Variants in CYP2F1 observed in about 807,000 individuals in gnomAD.
CYP2F1 encodes cytochrome P450 2F1.
CYP2F1 carries 33 observed loss-of-function variants against 40.4 expected under a neutral mutation model. The ratio of observed to expected loss-of-function variants is 0.82; its 90% CI spans 0.62 to 1.09. CYP2F1 has a LOEUF of 1.09. CYP2F1 is among the 50% of genes least tolerant of loss of function. The pLI, the probability that CYP2F1 is intolerant of heterozygous loss-of-function variation, is 0.00. For missense variants in CYP2F1, 566 were observed against 655.7 expected, an observed-to-expected ratio of 0.86 and a Z score of 1.49; for synonymous variants, 235 against 277.2, an observed-to-expected ratio of 0.85 and a Z score of 1.51.
chr19:41,128,249 C>G lies in CYP2F1; in HGVS notation c.*167C>G. 6.4e-6 allele frequency: 4 copies of G among 620,746 alleles called. No individual in the cohort carries two copies. Among genetic ancestry groups the G allele is most frequent in the Non-Finnish European group, 1.1e-5 (4 of 371,706 alleles). The allele number at this position is 620,746 out of a possible 1,614,324, so 38.5% of individuals were successfully genotyped here. On this transcript the variant is annotated 3_prime_UTR_variant, in exon 10 of 10. Coordinates refer to ENST00000331105, the MANE Select transcript of CYP2F1 (RefSeq NM_000774.5). ...TTCCCCCATCCCTCCAATCTGTGCC[C>G]CGTCTGCAGGGCAGAGGCAGATGTG...
At position 41,119,748 on chromosome 19, in the gene CYP2F1, T is replaced by TAC. The variant is rs147688839; in HGVS notation, c.335-563_335-562dup. Among the ~76,000 whole-genome samples, 344 of 36,028 alleles carry TAC rather than the reference T, an allele frequency of 9.5e-3. 9 individuals are homozygous for TAC. Among genetic ancestry groups the TAC allele is most frequent in the African/African-American group, 0.016 (149 of 9,134 alleles). 23.6% of individuals were successfully genotyped at this position (36,028 alleles called of 152,430 possible). On this transcript the variant is annotated intron_variant, in intron 3 of 9. Coordinates refer to ENST00000331105, the MANE Select transcript of CYP2F1 (RefSeq NM_000774.5). ...CTATATATATATATATATATATATA[T>TAC]ACACACACACACACACACACACACA...
At chr19:41,116,110 G>C (rs772249529) in intron 1 of CYP2F1, 68 bp from the exon 2 acceptor site, 13 of 1,443,116 alleles carry the variant, frequency 9.0e-6, no homozygotes, top group Non-Finnish European at 1.1e-5. Context: ...GGGAAGGTAA[G>C]TCCCAGGGGA....
chr19:41,119,899 T>C (rs1212038482), intron 3 of CYP2F1, among the ~76,000 whole-genome samples: 2 of 145,688 alleles, frequency 1.4e-5, no homozygotes, highest in African/African-American at 5.1e-5. Flanking sequence ...TGAGATGGTG[T>C]CACTGCACTC....
At chr19:41,125,390 C>T in intron 8 of CYP2F1, 103 bp from the exon 9 acceptor site, 1 of 638,756 alleles carries the variant, frequency 1.6e-6, no homozygotes. Flanking sequence ...CCTATACCCA[C>T]CCCTTATCAA....
In CYP2F1 at chr19:41,128,196, C is replaced by T. The variant is rs375787926; in HGVS notation, c.*114C>T. The T allele has an allele frequency of 2.8e-6, 3 of 1,066,112 alleles. No individual in the cohort carries two copies. The highest frequency in any genetic ancestry group is 3.9e-6 in the Non-Finnish European group (3 of 764,062). The allele number at this position is 1,066,112 out of a possible 1,614,324, so 66.0% of individuals were successfully genotyped here. ...ATCCCTCTGGCAGTCACGCTGTCTTCCCTGCATGCTGTGCCTGCCGCGTGC... is the reference window on the plus strand; with the variant it reads ...ATCCCTCTGGCAGTCACGCTGTCTTTCCTGCATGCTGTGCCTGCCGCGTGC... On this transcript the variant is annotated 3_prime_UTR_variant, in exon 10 of 10. Coordinates refer to ENST00000331105, the MANE Select transcript of CYP2F1 (RefSeq NM_000774.5).
In CYP2F1 at chr19:41,125,577, T is replaced by A; in HGVS notation, c.1237T>A (p.Phe413Ile). Reference sequence around the variant, plus strand: ...GCCCCAGGAGTTCAACCCCGAGCATTTTTTGGATGCCAATCAGTCCTTCAA... The same window carrying A: ...GCCCCAGGAGTTCAACCCCGAGCATATTTTGGATGCCAATCAGTCCTTCAA... ...LTPQEFNPEH[F>I]LDANQSFKKS... The change falls in exon 9 of 10, where the codon TTT becomes ATT. Residue 413 changes from phenylalanine (F) to isoleucine (I), a missense_variant. By Grantham distance (21) the Phe-to-Ile change is conservative. Around this residue, in one of 5 missense-constraint regions of CYP2F1, gnomAD observed 27 missense variants for 68.4 expected, o/e 0.39. Transcript: ENST00000331105. The A allele has an allele frequency of 6.2e-7, 1 of 1,610,058 alleles. No homozygotes were observed. The highest frequency in any genetic ancestry group is 8.5e-7 in the Non-Finnish European group (1 of 1,178,124).
rs921873201 is a variant in CYP2F1, at chr19:41,121,807, C to A, written c.646-150C>A. 25 of 1,058,204 alleles carry A rather than the reference C, an allele frequency of 2.4e-5. 1 individual carries two copies. In the Admixed American group the frequency reaches 3.8e-4, roughly 16 times the overall value. 65.6% of individuals were successfully genotyped at this position (1,058,204 alleles called of 1,614,324 possible). A position where few individuals can be genotyped will look rare whatever the true frequency, so the allele number is the denominator to read the frequency against. On this transcript the variant is annotated intron_variant, in intron 5 of 9. Coordinates refer to ENST00000331105, the MANE Select transcript of CYP2F1 (RefSeq NM_000774.5). The stretch of plus-strand genomic sequence containing the variant: ...TGAGCATTTATGGCCGCCATTGCCT[C>A]CTTCCCACTCCCCCTCAGCCCCAAC...
Position 41,125,788 on chromosome 19 carries a change from G to A in CYP2F1, c.1294+154G>A, listed in dbSNP as rs545700548. 1,341 of 1,508,006 alleles carry A rather than the reference G, an allele frequency of 8.9e-4. 5 individuals are homozygous for A. The African/African-American group carries it at 0.017, about 19-fold the overall frequency. The allele number at this position is 1,508,006 out of a possible 1,614,324, so 93.4% of individuals were successfully genotyped here. On this transcript the variant is annotated intron_variant, in intron 9 of 9. Coordinates refer to ENST00000331105, the MANE Select transcript of CYP2F1 (RefSeq NM_000774.5). ...TCCTCCTCTCAACTCTGCTCCTATA[G>A]GCAAGTAGTGACTAAAATCCTCGTG... is the stretch of plus-strand genomic sequence containing the variant.
chr19:41,124,377 C>A (rs1297807262), intron 7 of CYP2F1, among the ~76,000 whole-genome samples: 4 of 150,596 alleles, frequency 2.7e-5, no homozygotes, highest in Non-Finnish European at 5.9e-5. Flanking sequence ...GATTCTCCTG[C>A]CTCAGCCTCC....
chr19:41,124,721 C>T lies in CYP2F1; in HGVS notation c.967C>T (p.Arg323Cys), dbSNP rs1428404368. 2 of 1,600,406 alleles carry T rather than the reference C, an allele frequency of 1.2e-6. No individual in the cohort carries two copies. Among genetic ancestry groups the T allele is most frequent in the African/African-American group, 1.3e-5 (1 of 74,980 alleles). Residue 323 changes from arginine (R) to cysteine (C), a missense_variant and splice_region_variant, in exon 8 of 10, where the codon CGC (arginine) becomes TGC (cysteine). By Grantham distance (180) the Arg-to-Cys change is radical (BLOSUM62 -3). Coordinates refer to ENST00000331105, the MANE Select transcript of CYP2F1 (RefSeq NM_000774.5). ...CCCGCTTCCCGCTTCCTCTCCAGCC[C>T]GCGTGCAGGAGGAGATCGACCTCGT... ...ALMKYPKVQA[R>C]VQEEIDLVVG...
intron 7 of CYP2F1, chr19:41,123,240 C>CA (rs1568380707): frequency 3.7e-6 from 2 of 534,746 alleles, no homozygotes; most frequent in Non-Finnish European, 7.2e-6. Context: ...CTCTGTCACC[C>CA]AGGCTGGAGT....
At position 41,122,053 on chromosome 19, in the gene CYP2F1, A is replaced by G. The variant is rs1186342283; in HGVS notation, c.742A>G (p.Ser248Gly). The G allele has an allele frequency of 6.2e-7, 1 of 1,611,396 alleles. No homozygotes were observed. Among genetic ancestry groups the G allele is most frequent in the Non-Finnish European group, 8.5e-7 (1 of 1,179,332 alleles). ...FKCLRDLIAH[S>G]VHDHQASLDP... Reference sequence around the variant, plus strand: ...GTGCCTGAGAGACCTCATCGCCCACAGCGTCCACGACCACCAGGCCTCGCT... The same window carrying G: ...GTGCCTGAGAGACCTCATCGCCCACGGCGTCCACGACCACCAGGCCTCGCT... Residue 248 changes from serine (S) to glycine (G), a missense_variant, in exon 6 of 10, where the codon AGC becomes GGC. By Grantham distance (56) the Ser-to-Gly change is moderately conservative. Coordinates refer to ENST00000331105, the MANE Select transcript of CYP2F1 (RefSeq NM_000774.5).
chr19:41,121,790 T>C (rs1403308836), intron 5 of CYP2F1, among the ~76,000 whole-genome samples, 167 bp from the exon 6 acceptor site: 1 of 145,800 alleles, frequency 6.9e-6, no homozygotes, highest in Admixed American at 6.7e-5. Context: ...ACTGAGCATT[T>C]ATGGCCGCCA....
intron 6 of CYP2F1, 91 bp downstream of exon 6, chr19:41,122,224 G>A (rs1261969792): frequency 8.2e-7 from 1 of 1,224,976 alleles, no homozygotes; most frequent in African/African-American, 1.5e-5. Context: ...AGATGGGGCA[G>A]GGTTGGGGGA....
At position 41,124,702 on chromosome 19, in the gene CYP2F1, TC is replaced by T. The variant is rs778429244; in HGVS notation, c.965-14del. Reference sequence around the variant, plus strand: ...GCCCGCTGATACCCTCGACCCCGCTTCCCGCTTCCTCTCCAGCCCGCGTGCA... The same window carrying T: ...GCCCGCTGATACCCTCGACCCCGCTTCCGCTTCCTCTCCAGCCCGCGTGCA... On this transcript the variant is annotated splice_polypyrimidine_tract_variant and intron_variant, in intron 7 of 9. Transcript: ENST00000331105. 6.3e-6 allele frequency: 10 copies of T among 1,596,272 alleles called. No homozygotes were observed. Among genetic ancestry groups the T allele is most frequent in the African/African-American group, 1.3e-5 (1 of 74,922 alleles).
chr19:41,120,592 C>A, intron 4 of CYP2F1, 96 bp downstream of exon 4: 1 of 1,317,898 alleles, frequency 7.6e-7, no homozygotes, highest in Admixed American at 2.0e-5. Context: ...AACCATCCTC[C>A]CACCTCAACC....
At chr19:41,123,583 G>A (rs560763296) in intron 7 of CYP2F1, among the ~76,000 whole-genome samples, 12 of 152,228 alleles carry the variant, frequency 7.9e-5, no homozygotes, top group South Asian at 2.1e-4. Flanking sequence ...GTACAGTGCC[G>A]TAATTACAGC....
In CYP2F1 at chr19:41,119,746, T is replaced by TACACACAC. The variant is rs1373000672; in HGVS notation, c.335-600_335-599insCACACACA. ...CTCTATATATATATATATATATATATATACACACACACACACACACACACA... is the reference window on the plus strand; with the variant it reads ...CTCTATATATATATATATATATATATACACACACATACACACACACACACACACACACA... On this transcript the variant is annotated intron_variant, in intron 3 of 9. Coordinates refer to ENST00000331105, the MANE Select transcript of CYP2F1 (RefSeq NM_000774.5). Among the ~76,000 whole-genome samples, 70 of 54,210 alleles carry TACACACAC rather than the reference T, an allele frequency of 1.3e-3. 1 individual carries two copies. The highest frequency in any genetic ancestry group is 2.2e-3 in the African/African-American group (34 of 15,302). 35.6% of individuals were successfully genotyped at this position (54,210 alleles called of 152,430 possible).
Position 41,122,688 on chromosome 19 carries a change from C to G in CYP2F1, c.823-134C>G, listed in dbSNP as rs113710947. ...GAGATTTTCCCTGCCCTGCCCTTCT[C>G]CGTTCCCCAGCTCTCCCAGGGAAAG... On this transcript the variant is annotated intron_variant, in intron 6 of 9. Coordinates refer to ENST00000331105, the MANE Select transcript of CYP2F1 (RefSeq NM_000774.5). The G allele has an allele frequency of 1.5e-4, 136 of 902,048 alleles. 2 individuals carry two copies. Among genetic ancestry groups the G allele is most frequent in the Middle Eastern group, 6.8e-4 (3 of 4,434 alleles). The allele number at this position is 902,048 out of a possible 1,614,324, so 55.9% of individuals were successfully genotyped here. A position where few individuals can be genotyped will look rare whatever the true frequency, so the allele number is the denominator to read the frequency against.
Sources: allele counts gnomAD v4.1 joint callset (sites outside exome capture counted in the v4.1 genomes callset), GRCh38; gene constraint gnomAD v4.1.1; regional missense constraint gnomAD v4.1.1; transcripts MANE v1.5; gene names NCBI Gene and HGNC (gene_info 2026-07-23, HGNC 2026-07-21).